PCNX4: variants seen among roughly 807,000 people sequenced by gnomAD.
The protein encoded by PCNX4 is pecanex-like protein 4.
A neutral mutation model predicts 107.2 loss-of-function variants in PCNX4; 103 were observed. That is an observed-to-expected ratio of 0.96 (90% CI 0.82 to 1.13). The LOEUF is 1.13. Ranked by LOEUF, PCNX4 falls within the 50% of genes most tolerant of loss-of-function variation. The pLI is 0.00. For missense variants in PCNX4, 1,528 were observed against 1,379.4 expected, an observed-to-expected ratio of 1.11 and a Z score of -1.71; for synonymous variants, 541 against 481.7, an observed-to-expected ratio of 1.12 and a Z score of -1.61.
At position 60,115,423 on chromosome 14, in the gene PCNX4, T is replaced by G; in HGVS notation, c.1319T>G (p.Met440Arg). ...TTCTTTGAGAAGCAAACTAGGCTCA[T>G]GAAGATTGGTATTGTCAGACGGATT... ...TVFFEKQTRL[M>R]KIGIVRRILL... Residue 440 changes from methionine (M) to arginine (R), a missense_variant, in exon 4 of 11, where the codon ATG becomes AGG. Physicochemically the swap from Met to Arg is moderately conservative, Grantham distance 91. Coordinates refer to ENST00000406854, the MANE Select transcript of PCNX4 (RefSeq NM_001330177.2). The G allele has an allele frequency of 6.4e-7, 1 of 1,551,144 alleles. No homozygotes were observed. Among genetic ancestry groups the G allele is most frequent in the Non-Finnish European group, 8.7e-7 (1 of 1,151,976 alleles).
In PCNX4 at chr14:60,107,846, T is replaced by C; in HGVS notation, c.208T>C (p.Tyr70His). 1.9e-6 allele frequency: 3 copies of C among 1,612,770 alleles called. No individual in the cohort carries two copies. Among genetic ancestry groups the C allele is most frequent in the Non-Finnish European group, 2.5e-6 (3 of 1,179,770 alleles). The change falls in exon 2 of 11, where the codon TAT (tyrosine) becomes CAT (histidine). Residue 70 changes from tyrosine to histidine, a missense_variant. Transcript: ENST00000406854. ...LLYQLGILKD[Y>H]YTAALSGGLM... Reference sequence around the variant, plus strand: ...ATACCAGTTAGGCATCCTGAAAGACTATTATACAGCAGCACTTTCAGGTGG... The same window carrying C: ...ATACCAGTTAGGCATCCTGAAAGACCATTATACAGCAGCACTTTCAGGTGG...
At chr14:60,125,438 T>A (rs550355387) in intron 9 of PCNX4, among the ~76,000 whole-genome samples, 187 bp downstream of exon 9, 13 of 152,342 alleles carry the variant, frequency 8.5e-5, no homozygotes, top group African/African-American at 2.9e-4. Context: ...TTCCTTTGGT[T>A]TTGTTTATAT....
At chr14:60,120,299 T>C (rs1362274459) in intron 7 of PCNX4, among the ~76,000 whole-genome samples, 1 of 152,166 alleles carries the variant, frequency 6.6e-6, no homozygotes, top group Non-Finnish European at 1.5e-5. Flanking sequence ...TGCCCAGGGC[T>C]TTTACTGCAG....
chr14:60,117,138 C>T (rs1895865085), intron 6 of PCNX4, among the ~76,000 whole-genome samples: 1 of 151,874 alleles, frequency 6.6e-6, no homozygotes, highest in African/African-American at 2.4e-5. Flanking sequence ...TTTAGAGTAA[C>T]CTAAGAGTAC....
intron 10 of PCNX4, 59 bp from the exon 11 acceptor site, chr14:60,133,911 A>G: frequency 6.8e-7 from 1 of 1,472,114 alleles, no homozygotes; most frequent in Admixed American, 2.4e-5. Context: ...AATAAAATAT[A>G]AAGACCTAAA....
At chr14:60,114,521 C>G (rs1235315817) in intron 2 of PCNX4, among the ~76,000 whole-genome samples, 179 bp from the exon 3 acceptor site, 1 of 151,918 alleles carries the variant, frequency 6.6e-6, no homozygotes. Context: ...TAGAAGGACA[C>G]TTGTCACAAT....
In PCNX4 at chr14:60,146,211, A is replaced by G. The variant is rs905792863; in HGVS notation, c.*11990A>G. The G allele has an allele frequency of 2.0e-5, 3 of 151,932 alleles. No individual in the cohort carries two copies. The highest frequency in any genetic ancestry group is 7.2e-5 in the African/African-American group (3 of 41,394). 9.4% of individuals were successfully genotyped at this position (151,932 alleles called of 1,614,324 possible). On this transcript the variant is annotated 3_prime_UTR_variant, in exon 11 of 11. Transcript: ENST00000406854. The surrounding 1 kb of genome is among the most constrained non-coding windows in gnomAD (Gnocchi z 4.9). Reference sequence around the variant, plus strand: ...TGGTGGTAGGAAGAAAAAGGCTGTCATTTTTTTAGAAAAACCTAGATGTAA... The same window carrying G: ...TGGTGGTAGGAAGAAAAAGGCTGTCGTTTTTTTAGAAAAACCTAGATGTAA...
rs1895818289 is a variant in PCNX4 at position 60,115,090 on chromosome 14, T to C, written c.986T>C (p.Leu329Ser). 2 of 1,613,954 alleles carry C rather than the reference T, an allele frequency of 1.2e-6. No individual in the cohort carries two copies. Among genetic ancestry groups the C allele is most frequent in the African/African-American group, 1.3e-5 (1 of 75,036 alleles). Residue 329 changes from leucine (L) to serine (S), a missense_variant, in exon 4 of 11, where the codon TTA becomes TCA. Transcript: ENST00000406854. The part of the protein sequence containing the change: ...TGFGFLLSLN[L>S]SDMGHKIGTK... ...TTTGGTTTCTTGCTGAGTCTGAACT[T>C]AAGTGATATGGGTCACAAAATTGGA...
chr14:60,111,686 C>T (rs533404260), intron 2 of PCNX4, among the ~76,000 whole-genome samples: 9 of 152,028 alleles, frequency 5.9e-5, no homozygotes, highest in Middle Eastern at 3.4e-3. Flanking sequence ...TTGGTTTTCC[C>T]GACATTCTGC....
rs545074971 is a variant in PCNX4 at position 60,108,244 on chromosome 14, C to G, written c.606C>G (p.Phe202Leu). 1.2e-6 allele frequency: 2 copies of G among 1,612,570 alleles called. No homozygotes were observed. Among genetic ancestry groups the G allele is most frequent in the Non-Finnish European group, 8.5e-7 (1 of 1,179,770 alleles). Residue 202 changes from phenylalanine (F) to leucine (L), a missense_variant, in exon 2 of 11, where the codon TTC (phenylalanine) becomes TTG (leucine). Coordinates refer to ENST00000406854, the MANE Select transcript of PCNX4 (RefSeq NM_001330177.2). ...ACACAGCTACAGAGACTGCGACTTT[C>G]CAAACACAGGATACTTATGAAATTA... The part of the protein sequence containing the change: ...IVNTATETAT[F>L]QTQDTYEIIP...
Position 60,107,955 on chromosome 14 carries a change from C to G in PCNX4, c.317C>G (p.Thr106Ser). The change falls in exon 2 of 11, where the codon ACC becomes AGC. Residue 106 changes from threonine to serine, a missense_variant. Transcript: ENST00000406854. The stretch of plus-strand genomic sequence containing the variant: ...TCAACAACAGTAGAAAGAATACTAA[C>G]CACGGATATCTTAGCAGAGGAGGAT... The part of the protein sequence containing the change: ...NKSTTVERIL[T>S]TDILAEEDEH... The G allele has an allele frequency of 1.2e-6, 2 of 1,612,802 alleles. No individual in the cohort carries two copies. Among genetic ancestry groups the G allele is most frequent in the Non-Finnish European group, 8.5e-7 (1 of 1,179,872 alleles).
Position 60,124,478 on chromosome 14 carries a change from T to G in PCNX4, c.2307T>G (p.Val769=). Residue 769 remains valine, a synonymous_variant, in exon 9 of 11, where the codon GTT becomes GTG. Coordinates refer to ENST00000406854, the MANE Select transcript of PCNX4 (RefSeq NM_001330177.2). ...DLIKVLVWIL[V]QYCSKRPGMK... ...TTAAAGTACTTGTGTGGATACTTGT[T>G]CAATACTGCTCCAAAAGGCCTGGCA... The G allele has an allele frequency of 6.2e-7, 1 of 1,613,770 alleles. No homozygotes were observed. Among genetic ancestry groups the G allele is most frequent in the Non-Finnish European group, 8.5e-7 (1 of 1,179,758 alleles).
Position 60,144,401 on chromosome 14 carries a change from C to T in PCNX4, c.*10180C>T, listed in dbSNP as rs1896346924. 6.5e-6 allele frequency: 1 copy of T among 153,150 alleles called. No homozygotes were observed. The highest frequency in any genetic ancestry group is 2.4e-5 in the African/African-American group (1 of 41,444). The allele number at this position is 153,150 out of a possible 1,614,324, so 9.5% of individuals were successfully genotyped here. ...AAAGCAACAGTATTAAAGGATGTGG[C>T]CTTTAAGAGGTGACTGAGTAATGAA... On this transcript the variant is annotated 3_prime_UTR_variant, in exon 11 of 11. Coordinates refer to ENST00000406854, the MANE Select transcript of PCNX4 (RefSeq NM_001330177.2).
intron 6 of PCNX4, 137 bp downstream of exon 6, chr14:60,116,197 C>A: frequency 1.2e-6 from 1 of 842,614 alleles, no homozygotes; most frequent in Non-Finnish European, 1.7e-6. Flanking sequence ...CAAAAAGAAA[C>A]CTCAACTGTT....
intron 10 of PCNX4, among the ~76,000 whole-genome samples, chr14:60,133,479 C>T (rs1896190743): frequency 6.6e-6 from 1 of 152,106 alleles, no homozygotes; most frequent in South Asian, 2.1e-4. Context: ...AAGGATGCTT[C>T]TTGAGGTTAT....
chr14:60,130,167 G>A (rs1896128835), intron 10 of PCNX4, among the ~76,000 whole-genome samples: 1 of 151,848 alleles, frequency 6.6e-6, no homozygotes, highest in Non-Finnish European at 1.5e-5. Flanking sequence ...GTAAGACCTT[G>A]TCTCTTAAAA....
intron 1 of PCNX4, among the ~76,000 whole-genome samples, chr14:60,105,299 G>A (rs1045606819): frequency 6.6e-6 from 1 of 152,180 alleles, no homozygotes; most frequent in Non-Finnish European, 1.5e-5. Context: ...ATTAGGGAAG[G>A]GAGGAGAGGA....
At position 60,135,522 on chromosome 14, in the gene PCNX4, T is replaced by G. The variant is rs1485696402; in HGVS notation, c.*1301T>G. 2 of 152,190 alleles carry G rather than the reference T, an allele frequency of 1.3e-5. No homozygotes were observed. Among genetic ancestry groups the G allele is most frequent in the African/African-American group, 4.8e-5 (2 of 41,448 alleles). The allele number at this position is 152,190 out of a possible 1,614,324, so 9.4% of individuals were successfully genotyped here. ...TATATCTTTGTCATGTAGAAATATT[T>G]TCTCATGTCGTTAAAAGTACTTGTA... On this transcript the variant is annotated 3_prime_UTR_variant, in exon 11 of 11. Transcript: ENST00000406854.
chr14:60,133,668 T>G (rs926008054), intron 10 of PCNX4: 5 of 540,512 alleles, frequency 9.3e-6, no homozygotes, highest in African/African-American at 7.5e-5. Context: ...TTTATGACTA[T>G]GCATCGCTGA....
Sources: allele counts gnomAD v4.1 joint callset (sites outside exome capture counted in the v4.1 genomes callset), GRCh38; gene constraint gnomAD v4.1.1; non-coding constraint Gnocchi (gnomAD v3.1); transcripts MANE v1.5; gene names NCBI Gene and HGNC (gene_info 2026-07-23, HGNC 2026-07-21).